EQTN: variants seen among roughly 807,000 people sequenced by gnomAD.
The protein encoded by EQTN is Acrosome formation associated factor.
Under a neutral mutation model 26.9 loss-of-function variants are expected in EQTN, and 29 were observed. That is an observed-to-expected ratio of 1.08 (90% confidence interval 0.80 to 1.47). EQTN has a LOEUF of 1.47. EQTN is among the 40% of genes most tolerant of loss of function. EQTN has a pLI of 0.00. For synonymous variants in EQTN, 129 were observed against 120.0 expected, an observed-to-expected ratio of 1.07 and a Z score of -0.49; for missense variants, 391 against 346.1, an observed-to-expected ratio of 1.13 and a Z score of -1.03.
Position 27,291,065 on chromosome 9 carries a change from T to C in EQTN, c.377-2A>G. ...ATGCAGGCACGTTTGGGGTTGATCC[T>C]GTTAAAACAAAACAAAACACAACAA... On this transcript the variant is annotated splice_acceptor_variant, in intron 4 of 7. Transcript: ENST00000380032. LOFTEE classifies it high-confidence loss of function. The C allele has an allele frequency of 6.8e-6, 11 of 1,608,876 alleles. No individual in the cohort carries two copies. Among genetic ancestry groups the C allele is most frequent in the Non-Finnish European group, 9.3e-6 (11 of 1,177,654 alleles).
chr9:27,286,610 G>C lies in EQTN; in HGVS notation c.482-248C>G, dbSNP rs10123614. Among the ~76,000 whole-genome samples, 309 of 152,334 alleles carry C rather than the reference G, an allele frequency of 2.0e-3. 1 individual carries two copies. Among genetic ancestry groups the C allele is most frequent in the African/African-American group, 6.6e-3 (275 of 41,570 alleles). ...CTTAGCTCCATTTTACAGTATCACAGAAGTTTCTGTGTTTGCGCATAGCAC... is the reference window on the plus strand; with the variant it reads ...CTTAGCTCCATTTTACAGTATCACACAAGTTTCTGTGTTTGCGCATAGCAC... On this transcript the variant is annotated intron_variant, in intron 6 of 7. Coordinates refer to ENST00000380032, the MANE Select transcript of EQTN (RefSeq NM_020641.3).
chr9:27,295,047 G>T (rs1378595187), intron 2 of EQTN, among the ~76,000 whole-genome samples: 1 of 152,054 alleles, frequency 6.6e-6, no homozygotes, highest in Non-Finnish European at 1.5e-5. Context: ...ATACACACAC[G>T]AATGTATGTG....
intron 6 of EQTN, among the ~76,000 whole-genome samples, chr9:27,287,136 C>A (rs1439370876): frequency 2.0e-5 from 3 of 152,062 alleles, no homozygotes; most frequent in African/African-American, 7.2e-5. Context: ...CTCCCCTTTA[C>A]CCCAGCCAAC....
intron 6 of EQTN, among the ~76,000 whole-genome samples, chr9:27,288,433 C>T (rs1820163184): frequency 6.6e-6 from 1 of 152,168 alleles, no homozygotes; most frequent in South Asian, 2.1e-4. Context: ...ACCTTGCCCT[C>T]CCAAAGTGCT....
At chr9:27,286,459 A>G in intron 6 of EQTN, 97 bp from the exon 7 acceptor site, 5 of 1,234,170 alleles carry the variant, frequency 4.1e-6, no homozygotes, top group Non-Finnish European at 5.7e-6. Context: ...CAAGCCCTCC[A>G]CCATCCAGAG....
chr9:27,285,433 C>A (rs186458296), intron 7 of EQTN, among the ~76,000 whole-genome samples: 1 of 152,130 alleles, frequency 6.6e-6, no homozygotes, highest in Non-Finnish European at 1.5e-5. Context: ...TGAGCCACCA[C>A]GCCCGGCCTA....
chr9:27,290,955 T>C lies in EQTN; in HGVS notation c.421+64A>G, dbSNP rs1357428078. On this transcript the variant is annotated intron_variant, in intron 5 of 7. Transcript: ENST00000380032. The stretch of plus-strand genomic sequence containing the variant: ...GTATTAGAGGTATTTAGACTGATCT[T>C]AGCTCTAAGTAAGATTTTAGAAAAC... 7 of 1,452,412 alleles carry C rather than the reference T, an allele frequency of 4.8e-6. No homozygotes were observed. The African/African-American group carries it at 9.9e-5, about 21-fold the overall frequency. The allele number at this position is 1,452,412 out of a possible 1,614,324, so 90.0% of individuals were successfully genotyped here. A position where few individuals can be genotyped will look rare whatever the true frequency, so the allele number is the denominator to read the frequency against.
intron 3 of EQTN, among the ~76,000 whole-genome samples, chr9:27,293,421 G>A (rs1382177158): frequency 1.3e-5 from 2 of 152,060 alleles, no homozygotes; most frequent in Admixed American, 6.5e-5. Flanking sequence ...AAAGTTATCC[G>A]CAGATCTCCA....
intron 2 of EQTN, 83 bp from the exon 3 acceptor site, chr9:27,294,485 T>A: frequency 2.7e-6 from 2 of 732,912 alleles, no homozygotes; most frequent in Non-Finnish European, 4.3e-6. Flanking sequence ...GTTTTTTTCT[T>A]AAAACATGCA....
intron 5 of EQTN, among the ~76,000 whole-genome samples, chr9:27,290,131 C>A (rs1022876919): frequency 6.6e-6 from 1 of 152,182 alleles, no homozygotes; most frequent in African/African-American, 2.4e-5. Flanking sequence ...AACATCACAG[C>A]CTTCTTGCAC....
At chr9:27,294,262 T>G in intron 3 of EQTN, 54 bp downstream of exon 3, 1 of 1,316,704 alleles carries the variant, frequency 7.6e-7, no homozygotes, top group Non-Finnish European at 1.1e-6. Flanking sequence ...ATTGCTGTTT[T>G]GAAATCCTGC....
Position 27,297,041 on chromosome 9 carries a change from C to T in EQTN, c.15G>A (p.Leu5=), listed in dbSNP as rs2131311864. ...AAAAAACTCCAGGTATAAAAATAAA[C>T]AATATAAAATTCATTGGGAAATTGA... MNFI[L]FIFIPGVFSL... The change falls in exon 1 of 8, where the codon TTG becomes TTA. Residue 5 remains leucine (L), a synonymous_variant. Coordinates refer to ENST00000380032, the MANE Select transcript of EQTN (RefSeq NM_020641.3). The T allele has an allele frequency of 6.2e-7, 1 of 1,606,988 alleles. No homozygotes were observed. Among genetic ancestry groups the T allele is most frequent in the East Asian group, 2.2e-5 (1 of 44,784 alleles).
intron 6 of EQTN, among the ~76,000 whole-genome samples, chr9:27,289,285 A>G (rs1820181019): frequency 6.6e-6 from 1 of 152,220 alleles, no homozygotes; most frequent in Non-Finnish European, 1.5e-5. Context: ...TAACTAAAAA[A>G]GAATGCTTGG....
rs1263180739 is a variant in EQTN, at chr9:27,296,962, T to C, written c.76+18A>G. ...TTCTTACCTACTATTTTTATAAAAG[T>C]TTTAAATGCTCTCTCACCTTCAATA... On this transcript the variant is annotated intron_variant, in intron 1 of 7. Transcript: ENST00000380032. 1.2e-6 allele frequency: 2 copies of C among 1,607,920 alleles called. No individual in the cohort carries two copies. The highest frequency in any genetic ancestry group is 1.1e-5 in the South Asian group (1 of 90,018).
intron 5 of EQTN, 125 bp downstream of exon 5, chr9:27,290,894 T>C: frequency 1.5e-6 from 1 of 656,448 alleles, no homozygotes; most frequent in Non-Finnish European, 2.4e-6. Context: ...AAGTTTGCTA[T>C]TACATGTGGC....
At chr9:27,292,557 T>A (rs969799981) in intron 3 of EQTN, 70 bp from the exon 4 acceptor site, 10 of 844,470 alleles carry the variant, frequency 1.2e-5, no homozygotes, top group African/African-American at 3.5e-5. Context: ...AGATATTTTT[T>A]AATATCTATT....
At position 27,289,731 on chromosome 9, in the gene EQTN, G is replaced by A. The variant is rs1820193251; in HGVS notation, c.422C>T (p.Ala141Val). 2 of 1,601,262 alleles carry A rather than the reference G, an allele frequency of 1.2e-6. No individual in the cohort carries two copies. Among genetic ancestry groups the A allele is most frequent in the Non-Finnish European group, 1.7e-6 (2 of 1,172,824 alleles). ...CATGACCACTGCTGTTCCATTTATA[G>A]CTGTTAAAACAAATTGGGGTTATGG... The part of the protein sequence containing the change: ...VPAFWTMLAK[A>V]INGTAVVMDD... Residue 141 changes from alanine (A) to valine (V), a missense_variant and splice_region_variant, in exon 6 of 8, where the codon GCT (alanine) becomes GTT (valine). Coordinates refer to ENST00000380032, the MANE Select transcript of EQTN (RefSeq NM_020641.3).
rs144572971 is a variant in EQTN, at chr9:27,290,715, G to A, written c.421+304C>T. ...TATATGCATCTGTGTGCTTTTGCATGCACTGCTCCAAATACAAAGATGAAT... is the reference window on the plus strand; with the variant it reads ...TATATGCATCTGTGTGCTTTTGCATACACTGCTCCAAATACAAAGATGAAT... On this transcript the variant is annotated intron_variant, in intron 5 of 7. Transcript: ENST00000380032. Among the ~76,000 whole-genome samples, 338 of 152,274 alleles carry A rather than the reference G, an allele frequency of 2.2e-3. 1 individual carries two copies. Among genetic ancestry groups the A allele is most frequent in the African/African-American group, 7.7e-3 (321 of 41,560 alleles).
intron 2 of EQTN, among the ~76,000 whole-genome samples, chr9:27,295,598 C>T (rs1490590319): frequency 6.6e-6 from 1 of 151,890 alleles, no homozygotes; most frequent in Non-Finnish European, 1.5e-5. Context: ...CTTTGGGAGG[C>T]CGAGGCGGGC....
Sources: allele counts gnomAD v4.1 joint callset (sites outside exome capture counted in the v4.1 genomes callset), GRCh38; gene constraint gnomAD v4.1.1; transcripts MANE v1.5; gene names NCBI Gene and HGNC (gene_info 2026-07-23, HGNC 2026-07-21).